PREX1: variants seen among roughly 807,000 people sequenced by gnomAD.
PREX1 encodes the protein phosphatidylinositol 3,4,5-trisphosphate-dependent Rac exchanger 1 protein.
In PREX1, 41 loss-of-function variants were observed where a neutral mutation model predicts 198.3. The observed-to-expected ratio is 0.21, with a 90% confidence interval of 0.16 to 0.27. The LOEUF (loss-of-function observed/expected upper bound fraction) is 0.27, where lower values mean the gene tolerates loss of function less well. Ranked by LOEUF, PREX1 falls within the 10% of genes least tolerant of loss-of-function variation. The probability of loss-of-function intolerance (pLI) is 1.00; values close to 1 mark genes in which losing one functional copy is unlikely to be tolerated. For synonymous variants in PREX1, 843 were observed against 887.2 expected (o/e 0.95, Z 0.89); for missense variants, 1,620 against 2,200.7 (o/e 0.74, Z 5.28).
intron 1 of PREX1, among the ~76,000 whole-genome samples, chr20:48,756,098 G>A (rs2090155016): frequency 6.6e-6 from 1 of 152,144 alleles, no homozygotes; most frequent in Admixed American, 6.5e-5. Flanking sequence ...AATATGAGAT[G>A]GAAAGATTTA....
intron 1 of PREX1, 106 bp from the exon 2 acceptor site, chr20:48,747,986 T>C (rs1323689633): frequency 1.0e-6 from 1 of 1,001,512 alleles, no homozygotes; most frequent in African/African-American, 1.6e-5. Context: ...ATCTGGGAGG[T>C]ACCACGAGTC....
intron 23 of PREX1, 46 bp downstream of exon 23, chr20:48,650,848 A>T: frequency 6.3e-7 from 1 of 1,597,114 alleles, no homozygotes; most frequent in Non-Finnish European, 8.5e-7. Context: ...CTGAGATGCT[A>T]TGTCTGGGAC....
chr20:48,686,023 G>A (rs1306992294), intron 10 of PREX1, among the ~76,000 whole-genome samples: 1 of 152,202 alleles, frequency 6.6e-6, no homozygotes, highest in Non-Finnish European at 1.5e-5. Context: ...GAATAGACAG[G>A]CAAAGTACAG....
intron 1 of PREX1, among the ~76,000 whole-genome samples, chr20:48,809,509 G>A (rs991523867): frequency 6.6e-5 from 10 of 152,240 alleles, no homozygotes; most frequent in Non-Finnish European, 1.3e-4. Context: ...CATTCTTACT[G>A]AAGGTGGTTT....
At chr20:48,633,097 G>A (rs561859125) in intron 33 of PREX1, among the ~76,000 whole-genome samples, 46 of 152,308 alleles carry the variant, frequency 3.0e-4, no homozygotes, top group Non-Finnish European at 4.9e-4. Context: ...AGGGCAGGGG[G>A]TGCAAAATAT....
chr20:48,624,518 C>A lies in PREX1; in HGVS notation c.*1367G>T, dbSNP rs957483117. The A allele has an allele frequency of 6.6e-6, 1 of 152,428 alleles. No homozygotes were observed. Among genetic ancestry groups the A allele is most frequent in the African/African-American group, 2.4e-5 (1 of 41,460 alleles). 9.4% of individuals were successfully genotyped at this position (152,428 alleles called of 1,614,324 possible). On this transcript the variant is annotated 3_prime_UTR_variant, in exon 40 of 40. Transcript: ENST00000371941. ...GCTCGGATGCCAGATGCCGGGAGGGCTTCAAGCTCCCAGGCCTGGGGGCAG... is the reference window on the plus strand; with the variant it reads ...GCTCGGATGCCAGATGCCGGGAGGGATTCAAGCTCCCAGGCCTGGGGGCAG...
the PREX1 span, among the ~76,000 whole-genome samples, chr20:48,886,455 A>T: frequency 1.6e-4 from 24 of 152,122 alleles, no homozygotes; most frequent in Admixed American, 1.6e-3. Context: ...TAGTGAGCCA[A>T]ATACCCCCAC....
intron 1 of PREX1, among the ~76,000 whole-genome samples, chr20:48,774,210 C>A (rs142492867): frequency 7.9e-5 from 12 of 152,340 alleles, no homozygotes; most frequent in African/African-American, 2.9e-4. Context: ...TCAGCAAATC[C>A]TTGCACAATG....
At chr20:48,654,235 G>A (rs775962417) in intron 19 of PREX1, among the ~76,000 whole-genome samples, 5 of 152,248 alleles carry the variant, frequency 3.3e-5, no homozygotes, top group Admixed American at 6.5e-5. Context: ...GAGATCCGAC[G>A]AGCTAACACG....
chr20:48,861,902 C>T, the PREX1 span, among the ~76,000 whole-genome samples: 3 of 151,906 alleles, frequency 2.0e-5, no homozygotes, highest in Non-Finnish European at 2.9e-5. Flanking sequence ...TGCCTCCCCT[C>T]GAAAAATAGA....
At chr20:48,710,167 T>C (rs1479587020) in intron 5 of PREX1, among the ~76,000 whole-genome samples, 4 of 152,088 alleles carry the variant, frequency 2.6e-5, no homozygotes, top group African/African-American at 7.2e-5. Flanking sequence ...TGGTGATCAA[T>C]CAAAAGAGAA....
the PREX1 span, among the ~76,000 whole-genome samples, chr20:48,874,502 G>A: frequency 3.3e-5 from 5 of 151,790 alleles, no homozygotes; most frequent in African/African-American, 1.2e-4. Context: ...ACATGATGAA[G>A]AGGAGGAAAG....
chr20:48,688,043 GT>G (rs747099551), intron 10 of PREX1, among the ~76,000 whole-genome samples: 2 of 151,492 alleles, frequency 1.3e-5, no homozygotes, highest in Non-Finnish European at 2.9e-5. Context: ...CATTTCTGTT[GT>G]TTAAGCCACA....
At chr20:48,795,722 T>C (rs146716855) in intron 1 of PREX1, among the ~76,000 whole-genome samples, 15 of 152,096 alleles carry the variant, frequency 9.9e-5, no homozygotes, top group South Asian at 4.2e-4. Flanking sequence ...GGCCTGAAAC[T>C]GTGTAAAACA....
At chr20:48,802,411 G>C (rs901868065) in intron 1 of PREX1, among the ~76,000 whole-genome samples, 1 of 152,112 alleles carries the variant, frequency 6.6e-6, no homozygotes, top group Non-Finnish European at 1.5e-5. Flanking sequence ...AATTGGCCAA[G>C]CTCATCCCTG....
the PREX1 span, among the ~76,000 whole-genome samples, chr20:48,879,891 G>A: frequency 5.3e-5 from 8 of 152,182 alleles, no homozygotes. Flanking sequence ...GTTGCAATCT[G>A]ATATTCCTTT....
chr20:48,858,446 A>G, the PREX1 span, among the ~76,000 whole-genome samples: 2 of 152,310 alleles, frequency 1.3e-5, no homozygotes, highest in Admixed American at 6.5e-5. Context: ...TCTGCCCCCA[A>G]TCCTCAACAG....
At chr20:48,756,469 C>CTTT (rs11383728) in intron 1 of PREX1, among the ~76,000 whole-genome samples, 1 of 148,596 alleles carries the variant, frequency 6.7e-6, no homozygotes, top group Non-Finnish European at 1.5e-5. Context: ...GAAGAGATAG[C>CTTT]TTTTTTTTTT....
At position 48,673,864 on chromosome 20, in the gene PREX1, G is replaced by T. The variant is rs190264167; in HGVS notation, c.1665+2329C>A. The stretch of plus-strand genomic sequence containing the variant: ...TTATTGAGCAATTACTCTATGTCAG[G>T]CACCATTCTAAGCACTTTACACAAT... On this transcript the variant is annotated intron_variant, in intron 14 of 39. Transcript: ENST00000371941. 8.2e-4 allele frequency among the ~76,000 whole-genome samples: 125 copies of T among 152,218 alleles called. No individual in the cohort carries two copies. The Middle Eastern group carries it at 0.014, about 17-fold the overall frequency.
Sources: allele counts gnomAD v4.1 joint callset (sites outside exome capture counted in the v4.1 genomes callset), GRCh38; gene constraint gnomAD v4.1.1; transcripts MANE v1.5; gene names NCBI Gene and HGNC (gene_info 2026-07-23, HGNC 2026-07-21).